The following COL4A2 variants were observed in gnomAD, a reference collection of about 807,000 sequenced individuals.
COL4A2 encodes the protein collagen alpha-2(IV) chain.
A neutral mutation model predicts 200.2 loss-of-function variants in COL4A2; 99 were observed. The ratio of observed to expected loss-of-function variants is 0.49; its 90% CI spans 0.42 to 0.58. COL4A2 has a LOEUF of 0.58. Among genes scored for constraint, COL4A2 ranks in the 20% least tolerant of loss-of-function variants. The pLI, the probability that COL4A2 is intolerant of heterozygous loss-of-function variation, is 0.00. For missense variants in COL4A2, 1,950 were observed against 2,314.1 expected (o/e 0.84, Z 3.23); for synonymous variants, 897 against 900.6 (o/e 1.00, Z 0.07).
chr13:110,428,749 G>T (rs765099873), intron 7 of COL4A2, among the ~76,000 whole-genome samples, 166 bp downstream of exon 7: 1 of 152,178 alleles, frequency 6.6e-6, no homozygotes, highest in Non-Finnish European at 1.5e-5. Context: ...TTCATTTTTC[G>T]TATTCTTTAA....
At chr13:110,465,810 G>A (rs1215920104) in intron 25 of COL4A2, among the ~76,000 whole-genome samples, 193 bp from the exon 26 acceptor site, 2 of 152,174 alleles carry the variant, frequency 1.3e-5, no homozygotes, top group Non-Finnish European at 1.5e-5. Context: ...AGCCTCTCCT[G>A]TAGGACTACA....
At chr13:110,435,102 T>G (rs1880822953) in intron 12 of COL4A2, among the ~76,000 whole-genome samples, 1 of 152,232 alleles carries the variant, frequency 6.6e-6, no homozygotes, top group South Asian at 2.1e-4. Flanking sequence ...TTTTCCCTTC[T>G]GCTTTTTGAT....
At chr13:110,317,663 T>C (rs1034641956) in intron 3 of COL4A2, among the ~76,000 whole-genome samples, 1 of 152,196 alleles carries the variant, frequency 6.6e-6, no homozygotes, top group Non-Finnish European at 1.5e-5. Context: ...CAATTTCACC[T>C]GCAGAACCAA....
chr13:110,329,364 G>T (rs756741122), intron 3 of COL4A2, among the ~76,000 whole-genome samples: 1 of 152,218 alleles, frequency 6.6e-6, no homozygotes, highest in African/African-American at 2.4e-5. Flanking sequence ...ACTTGCTGCA[G>T]TGGTTCTGGA....
Position 110,424,944 on chromosome 13 carries a change from T to G in COL4A2, c.316-9T>G. On this transcript the variant is annotated splice_polypyrimidine_tract_variant and intron_variant, in intron 5 of 47. Transcript: ENST00000360467. ...CAGCCTTGGTTAATTGCATTTGCTT[T>G]CTTCATAGGGAGCAAGAGGCGTTTC... 1.9e-6 allele frequency: 3 copies of G among 1,614,240 alleles called. No homozygotes were observed. The highest frequency in any genetic ancestry group is 2.5e-6 in the Non-Finnish European group (3 of 1,180,048).
Position 110,366,518 on chromosome 13 carries a change from T to G in COL4A2, c.180+8966T>G, listed in dbSNP as rs529575906. Among the ~76,000 whole-genome samples the G allele has an allele frequency of 2.8e-3, 426 of 152,338 alleles. 3 individuals are homozygous for G. Among genetic ancestry groups the G allele is most frequent in the African/African-American group, 9.8e-3 (409 of 41,582 alleles). ...AGTTTTGAAATTACTGTTGTTGTTTTCTTCTGGAGACAGTAAAATAATAGC... is the reference window on the plus strand; with the variant it reads ...AGTTTTGAAATTACTGTTGTTGTTTGCTTCTGGAGACAGTAAAATAATAGC... On this transcript the variant is annotated intron_variant, in intron 4 of 47. Coordinates refer to ENST00000360467, the MANE Select transcript of COL4A2 (RefSeq NM_001846.4).
At chr13:110,441,054 G>GCAGTCACCT (rs1833620005) in intron 16 of COL4A2, among the ~76,000 whole-genome samples, 1 of 152,332 alleles carries the variant, frequency 6.6e-6, no homozygotes, top group South Asian at 2.1e-4. Flanking sequence ...CAGCAAACAT[G>GCAGTCACCT]CAGTCACCTC....
chr13:110,490,644 C>T (rs2139535432), intron 36 of COL4A2, among the ~76,000 whole-genome samples: 2 of 152,314 alleles, frequency 1.3e-5, no homozygotes, highest in South Asian at 4.1e-4. Context: ...GTGACGGGAG[C>T]TCTGTACTGC....
chr13:110,342,506 G>A (rs982950010), intron 3 of COL4A2, among the ~76,000 whole-genome samples: 1 of 152,198 alleles, frequency 6.6e-6, no homozygotes, highest in Admixed American at 6.5e-5. Context: ...TAAAATGCAG[G>A]TTAAGAACAT....
At chr13:110,478,658 C>T (rs1303522990) in intron 30 of COL4A2, among the ~76,000 whole-genome samples, 1 of 152,168 alleles carries the variant, frequency 6.6e-6, no homozygotes, top group Non-Finnish European at 1.5e-5. Flanking sequence ...GCATTGCCCA[C>T]CACTGCCCAG....
At chr13:110,355,682 GTGGA>G (rs1877205317) in intron 3 of COL4A2, among the ~76,000 whole-genome samples, 1 of 40,368 alleles carries the variant, frequency 2.5e-5, no homozygotes. Flanking sequence ...GTGTGTGGGG[GTGGA>G]GGGCTGTACA....
intron 4 of COL4A2, among the ~76,000 whole-genome samples, chr13:110,393,944 A>G (rs1879090385): frequency 1.3e-5 from 2 of 152,186 alleles, no homozygotes; most frequent in African/African-American, 2.4e-5. Context: ...CCAAAACATT[A>G]CTGTAGGACT....
rs1454863814 is a variant in COL4A2 at position 110,424,772 on chromosome 13, G to GT, written c.219_220insT (p.Pro74SerfsTer14). 2 of 1,612,308 alleles carry GT rather than the reference G, an allele frequency of 1.2e-6. No homozygotes were observed. Among genetic ancestry groups the GT allele is most frequent in the Non-Finnish European group, 1.7e-6 (2 of 1,178,376 alleles). ...CAGTGGGCCCCCAGGGGTACAATGG[G>GT]CCACCAGGATTACAAGGATTCCCGG... On this transcript the variant is annotated frameshift_variant, in exon 5 of 48. Transcript: ENST00000360467. LOFTEE classifies it high-confidence loss of function.
chr13:110,407,249 C>T (rs1015504819), intron 4 of COL4A2, among the ~76,000 whole-genome samples: 2 of 152,222 alleles, frequency 1.3e-5, no homozygotes, highest in Non-Finnish European at 2.9e-5. Flanking sequence ...CTGCAGGAAA[C>T]GGCTTGGAGA....
chr13:110,439,403 T>C (rs1881037946), intron 15 of COL4A2, among the ~76,000 whole-genome samples: 1 of 152,248 alleles, frequency 6.6e-6, no homozygotes, highest in East Asian at 1.9e-4. Context: ...TGTATTTCTT[T>C]ACGTGGTAGA....
At chr13:110,409,728 C>T (rs1594198328) in intron 4 of COL4A2, among the ~76,000 whole-genome samples, 2 of 152,322 alleles carry the variant, frequency 1.3e-5, no homozygotes, top group Admixed American at 6.5e-5. Flanking sequence ...ACAAATGAGC[C>T]ATGCATTATC....
intron 4 of COL4A2, among the ~76,000 whole-genome samples, chr13:110,408,934 C>T (rs12877896): frequency 2.9e-5 from 1 of 33,986 alleles, no homozygotes. Context: ...CACGTACACA[C>T]GCACACATAT....
chr13:110,430,878 C>T (rs990582901), intron 10 of COL4A2: 1 of 656,402 alleles, frequency 1.5e-6, no homozygotes, highest in Non-Finnish European at 2.9e-6. Context: ...CCTTCCATCC[C>T]CACCCCATAC....
At chr13:110,342,649 A>G (rs2139372977) in intron 3 of COL4A2, among the ~76,000 whole-genome samples, 1 of 152,292 alleles carries the variant, frequency 6.6e-6, no homozygotes, top group Admixed American at 6.5e-5. Context: ...TTTTTAAATG[A>G]GGACCCTGCA....
Sources: allele counts gnomAD v4.1 joint callset (sites outside exome capture counted in the v4.1 genomes callset), GRCh38; gene constraint gnomAD v4.1.1; transcripts MANE v1.5; gene names NCBI Gene and HGNC (gene_info 2026-07-23, HGNC 2026-07-21).